Variants in ERC2 observed in about 807,000 individuals in gnomAD.
ERC2 encodes ERC protein 2.
Under a neutral mutation model 114.8 loss-of-function variants are expected in ERC2, and 42 were observed. The observed-to-expected ratio is 0.37, with a 90% CI of 0.29 to 0.47. The LOEUF (loss-of-function observed/expected upper bound fraction) is 0.47. ERC2 is among the 20% of genes least tolerant of loss of function. The pLI, the probability that ERC2 is intolerant of heterozygous loss-of-function variation, is 0.99. For missense variants in ERC2, 939 were observed against 1,150.7 expected (o/e 0.82, Z 2.66); for synonymous variants, 454 against 425.5 (o/e 1.07, Z -0.82).
intron 2 of ERC2, among the ~76,000 whole-genome samples, chr3:56,425,960 T>G (rs2061556749): frequency 6.6e-6 from 1 of 152,242 alleles, no homozygotes. Context: ...TCTATTGCTT[T>G]CTTTCTTTGG....
chr3:55,878,583 T>G (rs1299661357), intron 14 of ERC2, among the ~76,000 whole-genome samples: 1 of 152,220 alleles, frequency 6.6e-6, no homozygotes, highest in Non-Finnish European at 1.5e-5. Flanking sequence ...CTGTGAACTA[T>G]AGTGTCAAAC....
intron 4 of ERC2, among the ~76,000 whole-genome samples, chr3:56,154,896 T>G (rs1425162877): frequency 6.6e-6 from 1 of 152,194 alleles, no homozygotes; most frequent in African/African-American, 2.4e-5. Flanking sequence ...TCCCTACTAA[T>G]TCCCCAGTTG....
At chr3:55,788,791 T>G (rs2069730590) in intron 14 of ERC2, among the ~76,000 whole-genome samples, 1 of 152,192 alleles carries the variant, frequency 6.6e-6, no homozygotes, top group Non-Finnish European at 1.5e-5. Flanking sequence ...TAAAATAAGC[T>G]TATTTATTGA....
intron 17 of ERC2, among the ~76,000 whole-genome samples, chr3:55,563,023 A>T (rs1386211155): frequency 6.6e-6 from 1 of 152,210 alleles, no homozygotes; most frequent in Non-Finnish European, 1.5e-5. Flanking sequence ...TTAAAAACCC[A>T]TCCATCAACC....
At chr3:55,597,797 C>G (rs1226024594) in intron 17 of ERC2, among the ~76,000 whole-genome samples, 1 of 152,198 alleles carries the variant, frequency 6.6e-6, no homozygotes, top group Non-Finnish European at 1.5e-5. Context: ...TACAGTGACC[C>G]TAGCCCTTCA....
chr3:56,014,055 T>C (rs1046977616), intron 8 of ERC2, among the ~76,000 whole-genome samples: 4 of 152,124 alleles, frequency 2.6e-5, no homozygotes, highest in Admixed American at 2.6e-4. Flanking sequence ...AAAAATTCCC[T>C]CCACATCCAT....
chr3:55,545,985 G>A (rs2054721158), intron 17 of ERC2, among the ~76,000 whole-genome samples: 1 of 152,206 alleles, frequency 6.6e-6, no homozygotes, highest in African/African-American at 2.4e-5. Flanking sequence ...CAGTAATGCT[G>A]TGAGAAGAGA....
chr3:56,062,347 G>A (rs1334389726), intron 7 of ERC2, among the ~76,000 whole-genome samples: 4 of 152,110 alleles, frequency 2.6e-5, no homozygotes, highest in East Asian at 1.9e-4. Flanking sequence ...AATTTTCTGT[G>A]GGGATCTGAA....
intron 13 of ERC2, among the ~76,000 whole-genome samples, chr3:55,937,683 A>G (rs988036401): frequency 7.2e-5 from 11 of 152,260 alleles, no homozygotes; most frequent in African/African-American, 2.7e-4. Flanking sequence ...GTTGTGTAAT[A>G]AATGATTTTG....
At chr3:56,234,453 A>C (rs1053219572) in intron 3 of ERC2, among the ~76,000 whole-genome samples, 1 of 152,242 alleles carries the variant, frequency 6.6e-6, no homozygotes, top group African/African-American at 2.4e-5. Context: ...ACAACATCCC[A>C]AAAATGCAAT....
chr3:56,114,823 T>C (rs1302534905), intron 6 of ERC2, among the ~76,000 whole-genome samples: 2 of 152,192 alleles, frequency 1.3e-5, no homozygotes, highest in African/African-American at 4.8e-5. Flanking sequence ...TTGAGAAGAA[T>C]TGAGTTGATA....
chr3:55,662,862 A>T (rs1057006079), intron 17 of ERC2, among the ~76,000 whole-genome samples: 4 of 152,204 alleles, frequency 2.6e-5, no homozygotes, highest in Admixed American at 2.0e-4. Flanking sequence ...CTTAAATTCC[A>T]TGCTTATTCA....
chr3:56,329,802 T>C (rs1340114267), intron 2 of ERC2, among the ~76,000 whole-genome samples: 1 of 151,330 alleles, frequency 6.6e-6, no homozygotes, highest in Non-Finnish European at 1.5e-5. Flanking sequence ...TATATATATA[T>C]ATATTTCCAC....
chr3:56,300,467 A>G (rs938988560), intron 2 of ERC2, among the ~76,000 whole-genome samples: 1 of 152,178 alleles, frequency 6.6e-6, no homozygotes, highest in Non-Finnish European at 1.5e-5. Context: ...CCAAACCAAG[A>G]GGCCACCAAT....
chr3:55,894,968 C>A (rs189877800), intron 13 of ERC2, among the ~76,000 whole-genome samples: 2 of 152,324 alleles, frequency 1.3e-5, no homozygotes, highest in Admixed American at 6.5e-5. Flanking sequence ...ACCACACATA[C>A]ACATGCACAT....
At chr3:55,894,606 A>T (rs1410955601) in intron 13 of ERC2, among the ~76,000 whole-genome samples, 1 of 152,194 alleles carries the variant, frequency 6.6e-6, no homozygotes, top group East Asian at 1.9e-4. Context: ...ACTTTATAAA[A>T]AAAGAAGGAA....
chr3:55,984,323 A>G (rs770144643), intron 12 of ERC2, among the ~76,000 whole-genome samples: 2 of 152,112 alleles, frequency 1.3e-5, no homozygotes, highest in Non-Finnish European at 2.9e-5. Context: ...CCACACAATA[A>G]GTTCCTAGAG....
chr3:56,215,523 G>C (rs1358251300), intron 3 of ERC2, among the ~76,000 whole-genome samples: 1 of 152,164 alleles, frequency 6.6e-6, no homozygotes, highest in African/African-American at 2.4e-5. Context: ...AAGAGACTTA[G>C]ACTTCCACAC....
At chr3:55,710,052 TCTC>T (rs2063698011) in intron 15 of ERC2, among the ~76,000 whole-genome samples, 1 of 152,102 alleles carries the variant, frequency 6.6e-6, no homozygotes, top group South Asian at 2.1e-4. Context: ...CTCTGCCACA[TCTC>T]CTCAGGTGTT....
Sources: gnomAD v4.1 joint callset for allele counts (sites outside exome capture counted in the v4.1 genomes callset) on GRCh38, gnomAD v4.1.1 for gene constraint, MANE v1.5 for transcripts, NCBI Gene and HGNC (gene_info 2026-07-23, HGNC 2026-07-21) for gene names.